The following SNX29 variants were observed in gnomAD, a reference collection of about 807,000 sequenced individuals.
The protein encoded by SNX29 is sorting nexin 29.
SNX29 carries 78 observed loss-of-function variants against 102.1 expected under a neutral mutation model. That is an observed-to-expected ratio of 0.76 (90% CI 0.64 to 0.92). SNX29 has a LOEUF of 0.92. Ranked by LOEUF, SNX29 falls within the 40% of genes least tolerant of loss-of-function variation. The probability of loss-of-function intolerance (pLI) is 0.00; values close to 1 mark genes in which losing one functional copy is unlikely to be tolerated. For synonymous variants in SNX29, 580 were observed against 414.5 expected (o/e 1.40, Z -4.85); for missense variants, 1,280 against 1,061.7 (o/e 1.21, Z -2.86).
chr16:12,237,889 C>G (rs536652173), intron 14 of SNX29, among the ~76,000 whole-genome samples: 1 of 152,276 alleles, frequency 6.6e-6, no homozygotes, highest in African/African-American at 2.4e-5. Flanking sequence ...GCCTGGGCAA[C>G]AAGAGTGAAA....
At chr16:12,173,226 G>T (rs1015912930) in intron 13 of SNX29, among the ~76,000 whole-genome samples, 1 of 152,196 alleles carries the variant, frequency 6.6e-6, no homozygotes, top group Non-Finnish European at 1.5e-5. Context: ...ATAAAAGTGG[G>T]TTCTGGTTCC....
At chr16:12,327,744 G>GAAAC (rs1347889707) in intron 15 of SNX29, among the ~76,000 whole-genome samples, 1 of 150,280 alleles carries the variant, frequency 6.7e-6, no homozygotes. Flanking sequence ...ACAGAGAGAG[G>GAAAC]AAACCAGAAG....
At chr16:12,503,254 G>A (rs972075301) in intron 19 of SNX29, among the ~76,000 whole-genome samples, 2 of 152,190 alleles carry the variant, frequency 1.3e-5, no homozygotes, top group Admixed American at 6.5e-5. Context: ...TTGTGAAGCA[G>A]GTGCTGGATA....
At chr16:12,029,921 T>C (rs1434458933) in intron 4 of SNX29, among the ~76,000 whole-genome samples, 1 of 141,170 alleles carries the variant, frequency 7.1e-6, no homozygotes, top group African/African-American at 2.7e-5. Flanking sequence ...ATCACTGATA[T>C]ATCATCGTCA....
In SNX29 at chr16:12,204,721, AT is replaced by A. The variant is rs1239476999; in HGVS notation, c.1678+5040del. Among the ~76,000 whole-genome samples the A allele has an allele frequency of 5.3e-5, 8 of 152,346 alleles. No individual in the cohort carries two copies. In the South Asian group the frequency reaches 1.5e-3, roughly 28 times the overall value. Reference sequence around the variant, plus strand: ...GTTTGTTCTCAGAAACAAGCAAAAAATTGGGAAGTCATCAGCCTGTCTGGTG... The same window carrying A: ...GTTTGTTCTCAGAAACAAGCAAAAAATGGGAAGTCATCAGCCTGTCTGGTG... On this transcript the variant is annotated intron_variant, in intron 14 of 20. Coordinates refer to ENST00000566228, the MANE Select transcript of SNX29 (RefSeq NM_032167.5).
chr16:12,083,317 A>AAC (rs1282941777), intron 11 of SNX29, among the ~76,000 whole-genome samples: 8 of 151,886 alleles, frequency 5.3e-5, no homozygotes, highest in African/African-American at 9.7e-5. Flanking sequence ...AAAAAAAAAA[A>AAC]AACCCCTCAA....
chr16:12,310,792 C>G (rs2080513217), intron 15 of SNX29, among the ~76,000 whole-genome samples: 1 of 152,096 alleles, frequency 6.6e-6, no homozygotes. Context: ...GGTTAAACCT[C>G]AGTGAAGCTT....
chr16:12,530,592 G>A (rs1336039668), intron 20 of SNX29, among the ~76,000 whole-genome samples: 4 of 149,756 alleles, frequency 2.7e-5, no homozygotes, highest in Non-Finnish European at 5.9e-5. Flanking sequence ...TTGCGCTCTT[G>A]TCGCCCAGGC....
At chr16:12,478,837 A>C (rs2087776433) in intron 19 of SNX29, among the ~76,000 whole-genome samples, 1 of 152,082 alleles carries the variant, frequency 6.6e-6, no homozygotes, top group Non-Finnish European at 1.5e-5. Context: ...CATGGAGGGG[A>C]TGAATAGTTC....
At chr16:12,194,635 T>G (rs1369086286) in intron 13 of SNX29, among the ~76,000 whole-genome samples, 2 of 151,216 alleles carry the variant, frequency 1.3e-5, no homozygotes, top group Non-Finnish European at 3.0e-5. Flanking sequence ...TTTTTTTTTT[T>G]TTTTTTTAAG....
Position 12,568,497 on chromosome 16 carries a change from C to A in SNX29, c.2319-9C>A. The A allele has an allele frequency of 6.2e-7, 1 of 1,609,432 alleles. No homozygotes were observed. Among genetic ancestry groups the A allele is most frequent in the Non-Finnish European group, 8.5e-7 (1 of 1,179,820 alleles). Reference sequence around the variant, plus strand: ...CAGACTTAACCCGATTCTCTCCCTGCTCTTTCAGCGACATCACCCCGCCCG... The same window carrying A: ...CAGACTTAACCCGATTCTCTCCCTGATCTTTCAGCGACATCACCCCGCCCG... On this transcript the variant is annotated splice_polypyrimidine_tract_variant and intron_variant, in intron 20 of 20. Coordinates refer to ENST00000566228, the MANE Select transcript of SNX29 (RefSeq NM_032167.5).
intron 20 of SNX29, among the ~76,000 whole-genome samples, chr16:12,544,054 G>A (rs999706556): frequency 1.3e-5 from 2 of 152,180 alleles, no homozygotes; most frequent in Non-Finnish European, 2.9e-5. Flanking sequence ...CAAAGCCACA[G>A]GAATCACATT....
At chr16:12,034,077 T>C (rs2057411846) in intron 4 of SNX29, among the ~76,000 whole-genome samples, 1 of 152,208 alleles carries the variant, frequency 6.6e-6, no homozygotes, top group African/African-American at 2.4e-5. Flanking sequence ...GGTGGTAATA[T>C]ACCCATAACT....
chr16:12,216,449 T>A (rs1596532117), intron 14 of SNX29, among the ~76,000 whole-genome samples: 1 of 152,158 alleles, frequency 6.6e-6, no homozygotes. Context: ...TGAGTGTACA[T>A]AACATCAAGC....
At chr16:12,036,334 C>CTTT (rs1217078180) in intron 4 of SNX29, among the ~76,000 whole-genome samples, 17 of 78,496 alleles carry the variant, frequency 2.2e-4, no homozygotes, top group Admixed American at 3.0e-4. Flanking sequence ...TTCTTTCTTT[C>CTTT]TTTTTTTTTT....
intron 19 of SNX29, among the ~76,000 whole-genome samples, chr16:12,513,237 C>T (rs2089711833): frequency 6.6e-6 from 1 of 151,016 alleles, no homozygotes; most frequent in Non-Finnish European, 1.5e-5. Flanking sequence ...TCCTGCCCTG[C>T]TTGTTTTCTG....
At chr16:12,154,875 A>G (rs552734523) in intron 13 of SNX29, among the ~76,000 whole-genome samples, 1 of 152,246 alleles carries the variant, frequency 6.6e-6, no homozygotes, top group Admixed American at 6.5e-5. Context: ...AAAGGGCTCC[A>G]CCCTCATAAC....
intron 20 of SNX29, among the ~76,000 whole-genome samples, chr16:12,526,382 G>T: frequency 6.6e-6 from 1 of 152,184 alleles, no homozygotes; most frequent in East Asian, 1.9e-4. Context: ...TAGGCCCTTT[G>T]AAATTGTCTC....
chr16:12,141,239 A>G (rs531841651), intron 13 of SNX29, among the ~76,000 whole-genome samples: 11 of 152,364 alleles, frequency 7.2e-5, no homozygotes, highest in South Asian at 2.1e-4. Context: ...TTCCGCCTAC[A>G]TGAATGGCCA....
Sources: allele counts gnomAD v4.1 joint callset (sites outside exome capture counted in the v4.1 genomes callset), GRCh38; gene constraint gnomAD v4.1.1; transcripts MANE v1.5; gene names NCBI Gene and HGNC (gene_info 2026-07-23, HGNC 2026-07-21).